The following CCDC148 variants were observed in gnomAD, a reference collection of about 807,000 sequenced individuals.
CCDC148 encodes the protein coiled-coil domain containing 148.
A neutral mutation model predicts 85.7 loss-of-function variants in CCDC148; 89 were observed. That is an observed-to-expected ratio of 1.04 (90% confidence interval 0.87 to 1.24). The LOEUF is 1.24. Among genes scored for constraint, CCDC148 ranks in the 50% most tolerant of loss-of-function variants. The pLI, the probability that CCDC148 is intolerant of heterozygous loss-of-function variation, is 0.00. For missense variants in CCDC148, 692 were observed against 671.7 expected (o/e 1.03, Z -0.33); for synonymous variants, 230 against 213.9 (o/e 1.08, Z -0.66).
rs755740148 is a variant in CCDC148, at chr2:158,250,853, G to C, written c.1170C>G (p.Ala390=). ...TCTCCTCTTCCTTTTCTCTTCTTCT[G>C]GCAGAAATTTCCATTTCCAGTCTTG... The part of the protein sequence containing the change: ...EVARLEMEIS[A]RRREKEEEKE... Residue 390 remains alanine, a synonymous_variant, in exon 10 of 14, where the codon GCC becomes GCG. Coordinates refer to ENST00000283233, the MANE Select transcript of CCDC148 (RefSeq NM_138803.4). 4.2e-5 allele frequency: 67 copies of C among 1,599,692 alleles called. No homozygotes were observed. The highest frequency in any genetic ancestry group is 5.4e-5 in the Non-Finnish European group (63 of 1,175,086).
intron 9 of CCDC148, among the ~76,000 whole-genome samples, chr2:158,298,298 G>T (rs981345885): frequency 2.0e-5 from 3 of 151,976 alleles, no homozygotes; most frequent in Non-Finnish European, 4.4e-5. Context: ...TTGTTTTCAG[G>T]AGTTTGACTG....
At chr2:158,223,362 G>C (rs1574434593) in intron 10 of CCDC148, among the ~76,000 whole-genome samples, 4 of 152,190 alleles carry the variant, frequency 2.6e-5, no homozygotes, top group Admixed American at 2.0e-4. Flanking sequence ...AAGGAGGCCT[G>C]TCTGCCTGCC....
intron 1 of CCDC148, among the ~76,000 whole-genome samples, chr2:158,441,476 T>C (rs1012889179): frequency 1.3e-5 from 2 of 152,206 alleles, no homozygotes; most frequent in Non-Finnish European, 2.9e-5. Flanking sequence ...AGAATGTAGT[T>C]GACTTATACA....
At chr2:158,205,445 A>AT (rs764106881) in intron 11 of CCDC148, among the ~76,000 whole-genome samples, 35 of 152,178 alleles carry the variant, frequency 2.3e-4, no homozygotes, top group Non-Finnish European at 4.9e-4. Flanking sequence ...CTGGCTAAAC[A>AT]TTGTAGATAA....
intron 1 of CCDC148, among the ~76,000 whole-genome samples, chr2:158,381,177 T>G (rs1684855194): frequency 6.6e-6 from 1 of 152,146 alleles, no homozygotes; most frequent in South Asian, 2.1e-4. Context: ...AAAGGGAGCC[T>G]GAAGAGCAGG....
intron 1 of CCDC148, among the ~76,000 whole-genome samples, chr2:158,406,976 A>G (rs938931861): frequency 6.6e-6 from 1 of 152,044 alleles, no homozygotes; most frequent in African/African-American, 2.4e-5. Flanking sequence ...GTATAGATTA[A>G]TACAAGTGTG....
chr2:158,348,529 C>T (rs1683105936), intron 2 of CCDC148, among the ~76,000 whole-genome samples: 1 of 151,598 alleles, frequency 6.6e-6, no homozygotes, highest in African/African-American at 2.4e-5. Flanking sequence ...GGAAATTTAA[C>T]ACTATATATT....
intron 1 of CCDC148, among the ~76,000 whole-genome samples, chr2:158,398,911 C>G (rs985877992): frequency 3.3e-5 from 5 of 152,014 alleles, no homozygotes; most frequent in African/African-American, 1.2e-4. Context: ...AGAGAATAAT[C>G]AAATAGACAC....
rs760455189 is a variant in CCDC148 at position 158,420,391 on chromosome 2, G to A, written c.25+36024C>T. On this transcript the variant is annotated intron_variant, in intron 1 of 13. Transcript: ENST00000283233. Reference sequence around the variant, plus strand: ...CCATCAGACTAACAGCAGATCTCTCGGCAGAAACTCTACAAGCCAGAAGAG... The same window carrying A: ...CCATCAGACTAACAGCAGATCTCTCAGCAGAAACTCTACAAGCCAGAAGAG... Among the ~76,000 whole-genome samples, 9 of 152,180 alleles carry A rather than the reference G, an allele frequency of 5.9e-5. No individual in the cohort carries two copies. In the South Asian group the frequency reaches 8.3e-4, roughly 14 times the overall value.
intron 7 of CCDC148, 165 bp downstream of exon 7, chr2:158,338,561 G>A: frequency 1.9e-6 from 1 of 539,464 alleles, no homozygotes; most frequent in South Asian, 3.2e-5. Flanking sequence ...AAATTTTTTT[G>A]AAAAAATAAA....
chr2:158,239,073 A>C (rs1688235156), intron 10 of CCDC148, among the ~76,000 whole-genome samples: 1 of 152,216 alleles, frequency 6.6e-6, no homozygotes, highest in South Asian at 2.1e-4. Context: ...GCTGTTAAGA[A>C]GATTAAATGA....
At chr2:158,454,895 G>T (rs1037582764) in intron 1 of CCDC148, among the ~76,000 whole-genome samples, 1 of 152,162 alleles carries the variant, frequency 6.6e-6, no homozygotes, top group Admixed American at 6.5e-5. Flanking sequence ...ATTCATGGTG[G>T]ATTTCAGTAA....
intron 9 of CCDC148, among the ~76,000 whole-genome samples, chr2:158,256,405 T>C (rs1307248714): frequency 1.3e-5 from 2 of 151,774 alleles, no homozygotes; most frequent in African/African-American, 2.4e-5. Context: ...GATCATAATA[T>C]ATGATATGCT....
intron 9 of CCDC148, among the ~76,000 whole-genome samples, chr2:158,277,126 T>C (rs545406168): frequency 6.6e-6 from 1 of 152,216 alleles, no homozygotes; most frequent in South Asian, 2.1e-4. Context: ...TGCAAATGTA[T>C]AGAGACTATA....
chr2:158,173,182 C>T (rs1414264359), intron 13 of CCDC148, among the ~76,000 whole-genome samples: 6 of 151,950 alleles, frequency 3.9e-5, no homozygotes, highest in East Asian at 1.9e-4. Flanking sequence ...TAAAGTCCAA[C>T]TTAGTCTATA....
At chr2:158,268,819 G>A (rs1689581639) in intron 9 of CCDC148, among the ~76,000 whole-genome samples, 1 of 152,066 alleles carries the variant, frequency 6.6e-6, no homozygotes, top group Non-Finnish European at 1.5e-5. Flanking sequence ...CCACATGTAG[G>A]TGAGATCATG....
chr2:158,249,552 A>C (rs920825639), intron 10 of CCDC148, among the ~76,000 whole-genome samples: 1 of 152,182 alleles, frequency 6.6e-6, no homozygotes, highest in African/African-American at 2.4e-5. Context: ...AGCACTGTGA[A>C]GTATATCTTC....
rs191962304 is a variant in CCDC148, at chr2:158,287,100, G to A, written c.1110+22333C>T. Among the ~76,000 whole-genome samples, 545 of 152,220 alleles carry A rather than the reference G, an allele frequency of 3.6e-3. No individual in the cohort carries two copies. The Middle Eastern group carries it at 0.037, about 10-fold the overall frequency. Reference sequence around the variant, plus strand: ...CAAAAGCAGAAACCCCTATAAGCTCGTCAGATCTTGTGAGACTTATTCACC... The same window carrying A: ...CAAAAGCAGAAACCCCTATAAGCTCATCAGATCTTGTGAGACTTATTCACC... On this transcript the variant is annotated intron_variant, in intron 9 of 13. Transcript: ENST00000283233.
intron 1 of CCDC148, among the ~76,000 whole-genome samples, chr2:158,369,774 T>C (rs1276018033): frequency 1.3e-5 from 2 of 152,166 alleles, no homozygotes; most frequent in African/African-American, 4.8e-5. Context: ...TCCTTCCAGC[T>C]TTTGCCCATT....
Sources: allele counts gnomAD v4.1 joint callset (sites outside exome capture counted in the v4.1 genomes callset), GRCh38; gene constraint gnomAD v4.1.1; transcripts MANE v1.5; gene names NCBI Gene and HGNC (gene_info 2026-07-23, HGNC 2026-07-21).